The following CNTN5 variants were observed in gnomAD, a reference collection of about 807,000 sequenced individuals.
CNTN5 encodes contactin 5.
Under a neutral mutation model 129.1 loss-of-function variants are expected in CNTN5, and 77 were observed. The ratio of observed to expected loss-of-function variants is 0.60; its 90% CI spans 0.50 to 0.72. The LOEUF is 0.72. CNTN5 is among the 30% of genes least tolerant of loss of function. The pLI, the probability that CNTN5 is intolerant of heterozygous loss-of-function variation, is 0.00. For missense variants in CNTN5, 1,478 were observed against 1,328.8 expected, an observed-to-expected ratio of 1.11 and a Z score of -1.75; for synonymous variants, 509 against 465.6, an observed-to-expected ratio of 1.09 and a Z score of -1.20.
chr11:100,328,319 G>A lies in CNTN5; in HGVS notation c.2731-12144G>A, dbSNP rs112535462. ...TGCAGTAAGCTCAGATCATGCCACT[G>A]CACTCCAGCCTAGGACTAATACAGG... On this transcript the variant is annotated intron_variant, in intron 21 of 24. Transcript: ENST00000524871. Among the ~76,000 whole-genome samples, 309 of 152,250 alleles carry A rather than the reference G, an allele frequency of 2.0e-3. 1 individual carries two copies. Among genetic ancestry groups the A allele is most frequent in the African/African-American group, 7.1e-3 (297 of 41,544 alleles).
At chr11:100,223,906 T>C (rs899872838) in intron 15 of CNTN5, among the ~76,000 whole-genome samples, 8 of 152,148 alleles carry the variant, frequency 5.3e-5, no homozygotes, top group African/African-American at 1.4e-4. Flanking sequence ...CACTAAGTAA[T>C]GGAAGGTTTG....
chr11:99,480,474 A>T (rs2135309837), intron 2 of CNTN5, among the ~76,000 whole-genome samples: 1 of 152,306 alleles, frequency 6.6e-6, no homozygotes, highest in African/African-American at 2.4e-5. Flanking sequence ...GATTATTGTA[A>T]GGCTTAAATG....
chr11:100,178,561 T>C (rs2138440466), intron 13 of CNTN5, among the ~76,000 whole-genome samples: 1 of 151,712 alleles, frequency 6.6e-6, no homozygotes, highest in East Asian at 1.9e-4. Flanking sequence ...ACTTCCTTCA[T>C]CTCTTCTGCC....
chr11:99,374,638 C>G (rs899868151), intron 2 of CNTN5, among the ~76,000 whole-genome samples: 11 of 152,042 alleles, frequency 7.2e-5, no homozygotes, highest in African/African-American at 2.7e-4. Context: ...GAGTCCAGAT[C>G]GCGTCACTGC....
intron 3 of CNTN5, among the ~76,000 whole-genome samples, chr11:99,645,143 C>T (rs142654315): frequency 0.012 from 1,733 of 148,080 alleles, 34 homozygotes; most frequent in African/African-American, 0.04. Flanking sequence ...TCCTGTAGTC[C>T]CAGCTGCTCG....
intron 3 of CNTN5, among the ~76,000 whole-genome samples, chr11:99,755,595 T>C (rs1944380312): frequency 6.6e-6 from 1 of 152,188 alleles, no homozygotes; most frequent in Non-Finnish European, 1.5e-5. Context: ...TAAATGTTCT[T>C]TGTACATTTT....
chr11:99,815,350 C>G (rs984369154), intron 3 of CNTN5, among the ~76,000 whole-genome samples: 6 of 150,876 alleles, frequency 4.0e-5, no homozygotes, highest in African/African-American at 1.5e-4. Flanking sequence ...GATGAGAATC[C>G]TCAGAACTAA....
Position 99,757,111 on chromosome 11 carries a change from C to G in CNTN5, c.56-62433C>G, listed in dbSNP as rs1944429372. On this transcript the variant is annotated intron_variant, in intron 3 of 24. Transcript: ENST00000524871. Reference sequence around the variant, plus strand: ...AGGAGTCAGCAGGGTCGTGTTGTCTCTGAAGGCACTAGGGCAAAATGTGAT... The same window carrying G: ...AGGAGTCAGCAGGGTCGTGTTGTCTGTGAAGGCACTAGGGCAAAATGTGAT... Among the ~76,000 whole-genome samples, 4 of 151,992 alleles carry G rather than the reference C, an allele frequency of 2.6e-5. No individual in the cohort carries two copies. The South Asian group carries it at 8.3e-4, about 32-fold the overall frequency.
chr11:99,674,680 A>G (rs1953195074), intron 3 of CNTN5, among the ~76,000 whole-genome samples: 1 of 152,134 alleles, frequency 6.6e-6, no homozygotes, highest in Admixed American at 6.5e-5. Flanking sequence ...TGTCTGAGAC[A>G]AGGATTGTCT....
At chr11:99,613,756 A>G (rs1377962791) in intron 3 of CNTN5, among the ~76,000 whole-genome samples, 3 of 152,208 alleles carry the variant, frequency 2.0e-5, no homozygotes, top group Admixed American at 1.3e-4. Context: ...AGATACTTGC[A>G]TTTGTGATTT....
chr11:100,145,056 A>T (rs1946807872), intron 13 of CNTN5, among the ~76,000 whole-genome samples: 1 of 128,682 alleles, frequency 7.8e-6, no homozygotes, highest in Admixed American at 7.8e-5. Flanking sequence ...GTCTTTTTTA[A>T]CTAGATTCAA....
intron 6 of CNTN5, among the ~76,000 whole-genome samples, chr11:99,849,219 A>T (rs2135716646): frequency 6.6e-6 from 1 of 151,708 alleles, no homozygotes; most frequent in South Asian, 2.1e-4. Context: ...GATAAATATT[A>T]AATATAATAA....
At chr11:100,320,167 T>C (rs1951659685) in intron 21 of CNTN5, among the ~76,000 whole-genome samples, 1 of 152,200 alleles carries the variant, frequency 6.6e-6, no homozygotes, top group African/African-American at 2.4e-5. Flanking sequence ...CAATTTACAT[T>C]CCTATCAATG....
chr11:99,921,482 A>G (rs1209135379), intron 7 of CNTN5, among the ~76,000 whole-genome samples: 19 of 152,176 alleles, frequency 1.2e-4, no homozygotes, highest in Admixed American at 1.1e-3. Context: ...ACCTTTTACA[A>G]TCTTCCTCTT....
At chr11:99,335,831 A>G (rs536051625) in intron 2 of CNTN5, among the ~76,000 whole-genome samples, 6 of 152,170 alleles carry the variant, frequency 3.9e-5, no homozygotes, top group Non-Finnish European at 8.8e-5. Flanking sequence ...GCAGAGAAGC[A>G]GGATGAGACT....
At chr11:99,669,521 C>A (rs1004320902) in intron 3 of CNTN5, among the ~76,000 whole-genome samples, 1 of 150,992 alleles carries the variant, frequency 6.6e-6, no homozygotes, top group Non-Finnish European at 1.5e-5. Flanking sequence ...AGATAATATT[C>A]ATGAGCATGA....
chr11:99,132,229 A>G (rs1417651910), intron 1 of CNTN5, among the ~76,000 whole-genome samples: 1 of 151,896 alleles, frequency 6.6e-6, no homozygotes, highest in African/African-American at 2.4e-5. Flanking sequence ...AAAACTCTCA[A>G]TAAACTAGGT....
chr11:99,713,084 A>AT (rs1202945854), intron 3 of CNTN5, among the ~76,000 whole-genome samples: 2 of 152,088 alleles, frequency 1.3e-5, no homozygotes, highest in Non-Finnish European at 2.9e-5. Flanking sequence ...CAATGTTGCC[A>AT]TTTTCACGGT....
At chr11:99,790,931 T>C (rs1422616518) in intron 3 of CNTN5, among the ~76,000 whole-genome samples, 1 of 152,190 alleles carries the variant, frequency 6.6e-6, no homozygotes, top group African/African-American at 2.4e-5. Context: ...CAGTTTAATA[T>C]CCTTTTTGGC....
Sources: allele counts gnomAD v4.1 joint callset (sites outside exome capture counted in the v4.1 genomes callset), GRCh38; gene constraint gnomAD v4.1.1; transcripts MANE v1.5; gene names NCBI Gene and HGNC (gene_info 2026-07-23, HGNC 2026-07-21).